Variants in ELOVL5 observed in about 807,000 individuals in gnomAD.
The protein encoded by ELOVL5 is very long chain fatty acid elongase 5.
ELOVL5 carries 8 observed loss-of-function variants against 38.6 expected under a neutral mutation model. The observed-to-expected ratio is 0.21, with a 90% CI of 0.12 to 0.37. The LOEUF (loss-of-function observed/expected upper bound fraction) is 0.37. Ranked by LOEUF, ELOVL5 falls within the 10% of genes least tolerant of loss-of-function variation. The pLI, the probability that ELOVL5 is intolerant of heterozygous loss-of-function variation, is 1.00. For synonymous variants in ELOVL5, 127 were observed against 133.7 expected (o/e 0.95, Z 0.34); for missense variants, 280 against 367.8 (o/e 0.76, Z 1.95).
chr6:53,288,392 G>A (rs966623417), intron 3 of ELOVL5, among the ~76,000 whole-genome samples: 1 of 152,120 alleles, frequency 6.6e-6, no homozygotes, highest in Non-Finnish European at 1.5e-5. Context: ...TCTATAACCT[G>A]GAATTTCATT....
intron 2 of ELOVL5, chr6:53,294,534 G>GGTTA: frequency 6.6e-7 from 1 of 1,526,084 alleles, no homozygotes; most frequent in African/African-American, 1.4e-5. Context: ...AAGGATCCTT[G>GGTTA]GTTACATCAT....
chr6:53,291,971 A>T lies in ELOVL5; in HGVS notation c.59-8T>A. On this transcript the variant is annotated splice_region_variant and splice_polypyrimidine_tract_variant and intron_variant, in intron 2 of 7. Transcript: ENST00000304434. Reference sequence around the variant, plus strand: ...ATCCTTTTACTCTAGTATCTGAAAAATTAAAAAAAATTAATGATATATAAA... The same window carrying T: ...ATCCTTTTACTCTAGTATCTGAAAATTTAAAAAAAATTAATGATATATAAA... 6.9e-7 allele frequency: 1 copy of T among 1,440,346 alleles called. No homozygotes were observed. Among genetic ancestry groups the T allele is most frequent in the Non-Finnish European group, 9.3e-7 (1 of 1,070,004 alleles). The allele number at this position is 1,440,346 out of a possible 1,614,324, so 89.2% of individuals were successfully genotyped here.
chr6:53,275,175 G>C lies in ELOVL5; in HGVS notation c.411C>G (p.His137Gln). 6.2e-7 allele frequency: 1 copy of C among 1,614,162 alleles called. No homozygotes were observed. The change falls in exon 5 of 8, where the codon CAC (histidine) becomes CAG (glutamine). Residue 137 changes from histidine (H) to glutamine (Q), a missense_variant. Around this residue, in one of 3 missense-constraint regions of ELOVL5, gnomAD observed 150 missense variants for 178.0 expected, o/e 0.84. Coordinates refer to ENST00000304434, the MANE Select transcript of ELOVL5 (RefSeq NM_021814.5). The part of the protein sequence containing the change: ...TFFFILRKNN[H>Q]QITVLHVYHH... The stretch of plus-strand genomic sequence containing the variant: ...GGTAGACGTGCAGGACCGTGATCTG[G>C]TGGTTGTTCTTGCGCAGGATGAAGA...
intron 3 of ELOVL5, among the ~76,000 whole-genome samples, chr6:53,284,256 T>C (rs1156901897): frequency 6.6e-6 from 1 of 151,112 alleles, no homozygotes; most frequent in East Asian, 1.9e-4. Flanking sequence ...CAATGAGCTA[T>C]GACCATGTCA....
chr6:53,272,244 C>G (rs1386126337), intron 6 of ELOVL5, among the ~76,000 whole-genome samples: 1 of 152,202 alleles, frequency 6.6e-6, no homozygotes, highest in Non-Finnish European at 1.5e-5. Flanking sequence ...CCACACCCCT[C>G]AGTCAGCTAG....
intron 5 of ELOVL5, among the ~76,000 whole-genome samples, chr6:53,273,932 T>A (rs1343711017): frequency 6.6e-6 from 1 of 152,204 alleles, no homozygotes; most frequent in Non-Finnish European, 1.5e-5. Context: ...TAGTTCTTTT[T>A]CCAGACTCTG....
At chr6:53,278,816 G>A (rs1766242896) in intron 3 of ELOVL5, among the ~76,000 whole-genome samples, 1 of 152,094 alleles carries the variant, frequency 6.6e-6, no homozygotes. Context: ...GGGCCGCTGT[G>A]CCCCTCAAAC....
At chr6:53,271,522 C>T (rs1439608332) in intron 6 of ELOVL5, among the ~76,000 whole-genome samples, 2 of 152,154 alleles carry the variant, frequency 1.3e-5, no homozygotes, top group African/African-American at 4.8e-5. Flanking sequence ...TGCACTCCAG[C>T]CTGGTGACAG....
chr6:53,276,282 C>A, intron 3 of ELOVL5, 26 bp from the exon 4 acceptor site: 3 of 1,431,440 alleles, frequency 2.1e-6, no homozygotes, highest in Non-Finnish European at 3.0e-6. Flanking sequence ...GAGCCAGTCA[C>A]CAACAGCATC....
intron 1 of ELOVL5, among the ~76,000 whole-genome samples, chr6:53,317,277 A>G (rs770238377): frequency 6.6e-6 from 1 of 152,250 alleles, no homozygotes; most frequent in Non-Finnish European, 1.5e-5. Context: ...TCTCTCCAAG[A>G]GAACCAGATA....
At chr6:53,270,559 CA>C (rs775208227) in intron 7 of ELOVL5, 33 bp downstream of exon 7, 57 of 1,610,770 alleles carry the variant, frequency 3.5e-5, no homozygotes, top group Non-Finnish European at 4.8e-5. Flanking sequence ...GTAAAGGCCC[CA>C]GATTCCAAGT....
rs1662034842 is a variant in ELOVL5 at position 53,268,530 on chromosome 6, G to A, written c.*597C>T. The A allele has an allele frequency of 6.6e-6, 1 of 152,538 alleles. No individual in the cohort carries two copies. The highest frequency in any genetic ancestry group is 1.5e-5 in the Non-Finnish European group (1 of 68,012). 9.4% of individuals were successfully genotyped at this position (152,538 alleles called of 1,614,324 possible). ...GAGCCTGCTTGATTCAAAGCCAATAGTACAAAACTGAAGGTGCCGTGTCTG... is the reference window on the plus strand; with the variant it reads ...GAGCCTGCTTGATTCAAAGCCAATAATACAAAACTGAAGGTGCCGTGTCTG... On this transcript the variant is annotated 3_prime_UTR_variant, in exon 8 of 8. Transcript: ENST00000304434.
chr6:53,285,897 T>C (rs1031254332), intron 3 of ELOVL5, among the ~76,000 whole-genome samples: 20 of 152,232 alleles, frequency 1.3e-4, no homozygotes, highest in African/African-American at 4.8e-4. Flanking sequence ...TACACCATTG[T>C]GCCTGGCCAG....
At chr6:53,282,801 G>A (rs1020851832) in intron 3 of ELOVL5, among the ~76,000 whole-genome samples, 1 of 152,102 alleles carries the variant, frequency 6.6e-6, no homozygotes, top group Admixed American at 6.6e-5. Context: ...TCAATTGCCA[G>A]GTTGCTTAAG....
chr6:53,306,129 G>A (rs181651579), intron 1 of ELOVL5, among the ~76,000 whole-genome samples: 2,859 of 149,798 alleles, frequency 0.019, 106 homozygotes, highest in African/African-American at 0.067. Context: ...AGGCAGGGAG[G>A]TTGCAGTGAG....
chr6:53,289,271 G>T (rs1016741970), intron 3 of ELOVL5, among the ~76,000 whole-genome samples: 3 of 152,356 alleles, frequency 2.0e-5, no homozygotes, highest in South Asian at 4.1e-4. Context: ...CATTACAGGT[G>T]TGTGACCACA....
intron 3 of ELOVL5, among the ~76,000 whole-genome samples, chr6:53,283,548 G>C (rs1205622201): frequency 1.3e-5 from 2 of 152,116 alleles, no homozygotes; most frequent in African/African-American, 4.8e-5. Flanking sequence ...CACTGGGGGG[G>C]ACAATACTTC....
chr6:53,340,521 A>C (rs1244616217), intron 1 of ELOVL5, among the ~76,000 whole-genome samples: 1 of 152,214 alleles, frequency 6.6e-6, no homozygotes, highest in African/African-American at 2.4e-5. Context: ...CCAGTCCTGC[A>C]AGCTCCATTC....
intron 1 of ELOVL5, among the ~76,000 whole-genome samples, chr6:53,332,428 A>G (rs766606323): frequency 2.0e-5 from 3 of 152,192 alleles, no homozygotes; most frequent in Non-Finnish European, 4.4e-5. Context: ...AAAATTTAAA[A>G]TCATAAATAA....
Sources: allele counts gnomAD v4.1 joint callset (sites outside exome capture counted in the v4.1 genomes callset), GRCh38; gene constraint gnomAD v4.1.1; regional missense constraint gnomAD v4.1.1; transcripts MANE v1.5; gene names NCBI Gene and HGNC (gene_info 2026-07-23, HGNC 2026-07-21).